Variants in TRRAP observed in about 807,000 individuals in gnomAD.
TRRAP encodes the protein transformation/transcription domain associated protein, also known as transformation/transcription domain-associated protein.
Under a neutral mutation model 438.8 loss-of-function variants are expected in TRRAP, and 41 were observed. The ratio of observed to expected loss-of-function variants is 0.09; its 90% CI spans 0.07 to 0.12. TRRAP has a LOEUF of 0.12. Among genes scored for constraint, TRRAP ranks in the 10% least tolerant of loss-of-function variants. TRRAP has a pLI of 1.00. For synonymous variants in TRRAP, 1,994 were observed against 1,962.9 expected (o/e 1.02, Z -0.42); for missense variants, 3,122 against 5,055.1 (o/e 0.62, Z 11.60).
intron 62 of TRRAP, among the ~76,000 whole-genome samples, chr7:98,987,997 AC>A (rs1793226391): frequency 6.6e-6 from 1 of 151,586 alleles, no homozygotes; most frequent in South Asian, 2.1e-4. Context: ...ATTTATATTG[AC>A]TTTTTTGTTT....
At chr7:98,953,088 G>C in intron 39 of TRRAP, 79 bp from the exon 40 acceptor site, 1 of 1,198,946 alleles carries the variant, frequency 8.3e-7, no homozygotes, top group Non-Finnish European at 1.2e-6. Flanking sequence ...TGTTTTTAAG[G>C]CTTAAACCTG....
intron 31 of TRRAP, among the ~76,000 whole-genome samples, chr7:98,945,250 A>G (rs1790996183): frequency 6.6e-6 from 1 of 152,154 alleles, no homozygotes; most frequent in African/African-American, 2.4e-5. Context: ...GCACACACAC[A>G]CCCACACAGA....
At chr7:98,978,452 A>C (rs1271057294) in intron 57 of TRRAP, 129 bp downstream of exon 57, 2 of 852,784 alleles carry the variant, frequency 2.3e-6, no homozygotes, top group African/African-American at 3.4e-5. Flanking sequence ...ATAAAGAACA[A>C]ATAGAAACCC....
chr7:98,932,265 C>A (rs1237939011), intron 26 of TRRAP, among the ~76,000 whole-genome samples: 1 of 152,040 alleles, frequency 6.6e-6, no homozygotes, highest in East Asian at 1.9e-4. Context: ...AGGTGCCCAC[C>A]ACCACACCCG....
chr7:98,960,759 TTG>T (rs35384186), intron 45 of TRRAP, among the ~76,000 whole-genome samples: 105,700 of 144,724 alleles, frequency 0.73, 41,188 homozygotes, highest in South Asian at 0.88. Flanking sequence ...GCCTGGCTTT[TTG>T]TGTGTGTGTG....
chr7:98,899,397 G>C (rs376142086), intron 8 of TRRAP, 25 bp from the exon 9 acceptor site: 31 of 1,611,884 alleles, frequency 1.9e-5, no homozygotes, highest in Non-Finnish European at 2.5e-5. Flanking sequence ...TGGTAACCCG[G>C]GTCCTACCCA....
chr7:98,923,521 G>C (rs1374977392), intron 21 of TRRAP, among the ~76,000 whole-genome samples: 2 of 152,210 alleles, frequency 1.3e-5, no homozygotes, highest in African/African-American at 4.8e-5. Context: ...GGCACACTTG[G>C]CAGTCCTTGA....
intron 20 of TRRAP, among the ~76,000 whole-genome samples, chr7:98,919,316 A>G (rs1166031097): frequency 6.6e-6 from 1 of 151,762 alleles, no homozygotes; most frequent in African/African-American, 2.4e-5. Flanking sequence ...AAGATGGCGT[A>G]GGGGCCAGGT....
chr7:98,976,051 G>A lies in TRRAP; in HGVS notation c.7840-98G>A, dbSNP rs757369478. 1.3e-4 allele frequency: 181 copies of A among 1,417,664 alleles called. No homozygotes were observed. The highest frequency in any genetic ancestry group is 1.6e-4 in the Non-Finnish European group (173 of 1,053,700). The allele number at this position is 1,417,664 out of a possible 1,614,324, so 87.8% of individuals were successfully genotyped here. On this transcript the variant is annotated intron_variant, in intron 53 of 72. Transcript: ENST00000456197. This position sits in a 1 kb window ranked among gnomAD's most constrained non-coding sequence, Gnocchi z 4.6. Reference sequence around the variant, plus strand: ...GAAACTTTGAAAGTGGAGGAGCATCGGTAATGTATGAGACAGATCATGGGT... The same window carrying A: ...GAAACTTTGAAAGTGGAGGAGCATCAGTAATGTATGAGACAGATCATGGGT...
Position 98,988,875 on chromosome 7 carries a change from G to T in TRRAP, c.9500G>T (p.Arg3167Leu). 1 of 1,614,172 alleles carries T rather than the reference G, an allele frequency of 6.2e-7. No homozygotes were observed. Among genetic ancestry groups the T allele is most frequent in the Non-Finnish European group, 8.5e-7 (1 of 1,180,022 alleles). ...DYLENIFVKE[R>L]QLHLGVSAIT... is the part of the protein sequence containing the mutation. ...CTGGAGAACATCTTTGTGAAGGAGC[G>T]GCAGCTGCACCTGGGCGTGTCTGCC... The change falls in exon 63 of 73, where the codon CGG becomes CTG. Residue 3167 changes from arginine (R) to leucine (L), a missense_variant. Transcript: ENST00000456197.
Position 98,993,744 on chromosome 7 carries a change from G to C in TRRAP, c.10047+7G>C, listed in dbSNP as rs1793526541. 1 of 1,614,028 alleles carries C rather than the reference G, an allele frequency of 6.2e-7. No homozygotes were observed. Among genetic ancestry groups the C allele is most frequent in the Admixed American group, 1.7e-5 (1 of 60,000 alleles). ...AGAAAATTGGCATGAAGAGGTATTT[G>C]GCTCTGATCTTGCACATGGTGGCTC... On this transcript the variant is annotated splice_region_variant and intron_variant, in intron 66 of 72. Transcript: ENST00000456197.
intron 47 of TRRAP, among the ~76,000 whole-genome samples, chr7:98,964,078 AT>A (rs1792046759): frequency 6.8e-6 from 1 of 147,644 alleles, no homozygotes; most frequent in South Asian, 2.1e-4. Context: ...AAGACTCGAC[AT>A]TAAAAAAAAA....
intron 45 of TRRAP, among the ~76,000 whole-genome samples, chr7:98,960,194 CCATGTAG>C (rs1791824401): frequency 6.6e-6 from 1 of 152,106 alleles, no homozygotes; most frequent in African/African-American, 2.4e-5. Context: ...TTATCAAGTA[CCATGTAG>C]CACTTAGGTA....
At chr7:98,924,319 A>G (rs1478220685) in intron 21 of TRRAP, among the ~76,000 whole-genome samples, 1 of 152,260 alleles carries the variant, frequency 6.6e-6, no homozygotes, top group Non-Finnish European at 1.5e-5. Context: ...AAGCTTCACC[A>G]GGTGAATACC....
At chr7:98,898,426 T>C (rs745481945) in intron 8 of TRRAP, among the ~76,000 whole-genome samples, 24 of 152,224 alleles carry the variant, frequency 1.6e-4, no homozygotes, top group Non-Finnish European at 1.5e-4. Context: ...AGGTAACATG[T>C]TTTGAGCACT....
Position 98,953,296 on chromosome 7 carries a change from C to G in TRRAP, c.5593C>G (p.Leu1865Val). ...HDNNKNRNSK[L>V]RRLMTFAWPC... ...CAACAACAAGAACCGCAACAGCAAG[C>G]TGCGCCGCCTCATGACCTTCGCCTG... The change falls in exon 40 of 73, where the codon CTG (leucine) becomes GTG (valine). Residue 1865 changes from leucine (L) to valine (V), a missense_variant. Physicochemically the swap from Leu to Val is conservative, Grantham distance 32. Coordinates refer to ENST00000456197, the MANE Select transcript of TRRAP (RefSeq NM_001375524.1). The G allele has an allele frequency of 6.2e-7, 1 of 1,614,022 alleles. No homozygotes were observed. The highest frequency in any genetic ancestry group is 8.5e-7 in the Non-Finnish European group (1 of 1,180,044).
At position 98,923,419 on chromosome 7, in the gene TRRAP, T is replaced by C. The variant is rs1167085543; in HGVS notation, c.2823+1466T>C. ...GGCACTGGCTGCAGCACACCTGGTATAGCTCATAGCTAAGGAGCCCATGAG... is the reference window on the plus strand; with the variant it reads ...GGCACTGGCTGCAGCACACCTGGTACAGCTCATAGCTAAGGAGCCCATGAG... On this transcript the variant is annotated intron_variant, in intron 21 of 72. Coordinates refer to ENST00000456197, the MANE Select transcript of TRRAP (RefSeq NM_001375524.1). Among the ~76,000 whole-genome samples, 2 of 152,206 alleles carry C rather than the reference T, an allele frequency of 1.3e-5. 1 individual carries two copies. Among genetic ancestry groups the C allele is most frequent in the Admixed American group, 1.3e-4 (2 of 15,278 alleles).
chr7:98,999,451 T>G, intron 67 of TRRAP: 1 of 864,138 alleles, frequency 1.2e-6, no homozygotes, highest in South Asian at 1.4e-5. Flanking sequence ...GGGAGGGGCT[T>G]GAGCTATCCT....
chr7:98,889,886 G>A (rs932404720), intron 3 of TRRAP, among the ~76,000 whole-genome samples: 26 of 151,888 alleles, frequency 1.7e-4, no homozygotes, highest in African/African-American at 6.3e-4. Flanking sequence ...TCAGTACTAG[G>A]ATCAATAATG....
Sources: allele counts gnomAD v4.1 joint callset (sites outside exome capture counted in the v4.1 genomes callset), GRCh38; gene constraint gnomAD v4.1.1; non-coding constraint Gnocchi (gnomAD v3.1); transcripts MANE v1.5; gene names NCBI Gene and HGNC (gene_info 2026-07-23, HGNC 2026-07-21).